The following STXBP5L variants were observed in gnomAD, a reference collection of about 807,000 sequenced individuals.
STXBP5L encodes the protein syntaxin binding protein 5L, also known as syntaxin-binding protein 5-like.
Under a neutral mutation model 144.5 loss-of-function variants are expected in STXBP5L, and 65 were observed. That is an observed-to-expected ratio of 0.45 (90% CI 0.37 to 0.55). The LOEUF is 0.55. STXBP5L is among the 20% of genes least tolerant of loss of function. The pLI, the probability that STXBP5L is intolerant of heterozygous loss-of-function variation, is 0.00. For missense variants in STXBP5L, 1,298 were observed against 1,405.5 expected, an observed-to-expected ratio of 0.92 and a Z score of 1.22; for synonymous variants, 505 against 469.6, an observed-to-expected ratio of 1.08 and a Z score of -0.97.
At chr3:121,117,216 T>G (rs1419815744) in intron 6 of STXBP5L, among the ~76,000 whole-genome samples, 2 of 130,184 alleles carry the variant, frequency 1.5e-5, no homozygotes, top group Non-Finnish European at 3.5e-5. Flanking sequence ...GCATTTTTAT[T>G]TTTCATAATA....
At chr3:121,025,897 AT>A (rs1207482651) in intron 3 of STXBP5L, among the ~76,000 whole-genome samples, 15 of 146,384 alleles carry the variant, frequency 1.0e-4, no homozygotes, top group African/African-American at 3.4e-4. Flanking sequence ...TTTATAATAT[AT>A]AAATTATATA....
chr3:121,218,961 T>TA (rs1234802824), intron 10 of STXBP5L, among the ~76,000 whole-genome samples: 1 of 152,160 alleles, frequency 6.6e-6, no homozygotes, highest in Non-Finnish European at 1.5e-5. Flanking sequence ...TCTTAGTAGT[T>TA]ACTATTATTA....
At chr3:121,254,749 G>C in intron 15 of STXBP5L, 146 bp from the exon 16 acceptor site, 1 of 654,836 alleles carries the variant, frequency 1.5e-6, no homozygotes, top group Non-Finnish European at 2.6e-6. Flanking sequence ...TGAAAGCGTG[G>C]CATTGAATGC....
intron 11 of STXBP5L, among the ~76,000 whole-genome samples, chr3:121,233,411 T>A (rs2049369663): frequency 6.6e-6 from 1 of 152,210 alleles, no homozygotes; most frequent in Non-Finnish European, 1.5e-5. Context: ...TTTAATTTTT[T>A]TCTTGTTCTT....
intron 2 of STXBP5L, among the ~76,000 whole-genome samples, chr3:120,954,340 A>G: frequency 6.6e-6 from 1 of 152,116 alleles, no homozygotes; most frequent in East Asian, 1.9e-4. Context: ...AGAATATTAC[A>G]TCTTTACTCA....
chr3:120,984,632 C>CTTTTTTTTTTTTTTTTTTTTTTTCTT (rs35656223), intron 3 of STXBP5L, among the ~76,000 whole-genome samples: 2 of 71,962 alleles, frequency 2.8e-5, no homozygotes, highest in Non-Finnish European at 4.9e-5. Flanking sequence ...TCTTTCTTTC[C>CTTTTTTTTTTTTTTTTTTTTTTTCTT]TTTTTTTTTT....
intron 3 of STXBP5L, among the ~76,000 whole-genome samples, chr3:120,976,819 G>C (rs2107834480): frequency 6.6e-6 from 1 of 152,232 alleles, no homozygotes; most frequent in Non-Finnish European, 1.5e-5. Flanking sequence ...AGTCATTCAG[G>C]AGCAGGTTGT....
intron 3 of STXBP5L, among the ~76,000 whole-genome samples, chr3:121,014,846 A>G (rs966834702): frequency 6.6e-6 from 1 of 152,108 alleles, no homozygotes; most frequent in African/African-American, 2.4e-5. Context: ...TACAGAAACA[A>G]ATATTTAATA....
At chr3:121,365,365 C>T (rs186086615) in intron 20 of STXBP5L, among the ~76,000 whole-genome samples, 193 of 151,750 alleles carry the variant, frequency 1.3e-3, no homozygotes, top group African/African-American at 4.6e-3. Flanking sequence ...TGGCAGAATA[C>T]ACGAGTGAAG....
chr3:121,111,611 C>T (rs1468870985), intron 5 of STXBP5L, among the ~76,000 whole-genome samples: 1 of 152,178 alleles, frequency 6.6e-6, no homozygotes, highest in Non-Finnish European at 1.5e-5. Context: ...CTGGGAGCTC[C>T]ATCCCAGAGG....
chr3:121,299,214 T>A (rs552485508), intron 19 of STXBP5L, among the ~76,000 whole-genome samples: 1 of 152,330 alleles, frequency 6.6e-6, no homozygotes, highest in Admixed American at 6.5e-5. Flanking sequence ...AGTATTACTA[T>A]CTTTTCCCAC....
intron 7 of STXBP5L, among the ~76,000 whole-genome samples, chr3:121,151,418 C>G (rs923730210): frequency 4.6e-5 from 7 of 151,914 alleles, no homozygotes; most frequent in Admixed American, 6.6e-5. Context: ...ATATTTGAAA[C>G]CTTTTGTGTT....
intron 5 of STXBP5L, among the ~76,000 whole-genome samples, chr3:121,089,092 TAAAAAAAAAAAAA>T (rs375977537): frequency 3.6e-5 from 2 of 56,158 alleles, no homozygotes; most frequent in South Asian, 1.1e-3. Flanking sequence ...TAGAGTATAA[TAAAAAAAAAAAAA>T]AAAAAAAAAA....
intron 20 of STXBP5L, among the ~76,000 whole-genome samples, chr3:121,347,228 G>C (rs1484099740): frequency 6.6e-6 from 1 of 152,108 alleles, no homozygotes; most frequent in Non-Finnish European, 1.5e-5. Context: ...CCCATTTCTT[G>C]TTTTTGTCAG....
intron 20 of STXBP5L, among the ~76,000 whole-genome samples, chr3:121,341,558 T>C (rs1341382432): frequency 6.6e-6 from 1 of 150,640 alleles, no homozygotes; most frequent in Admixed American, 6.6e-5. Context: ...GGAAGAGATA[T>C]CTGCACTCCC....
intron 7 of STXBP5L, among the ~76,000 whole-genome samples, chr3:121,141,167 G>A (rs908223293): frequency 3.9e-5 from 6 of 152,288 alleles, no homozygotes; most frequent in African/African-American, 1.4e-4. Flanking sequence ...CACTTGTGAG[G>A]CCAAGCCAGG....
intron 20 of STXBP5L, among the ~76,000 whole-genome samples, chr3:121,335,972 G>A (rs1279958526): frequency 6.6e-6 from 1 of 152,088 alleles, no homozygotes; most frequent in African/African-American, 2.4e-5. Context: ...AATTAACAGT[G>A]TAAACAGACA....
At chr3:121,392,420 A>C (rs1469881095) in intron 22 of STXBP5L, among the ~76,000 whole-genome samples, 2 of 151,900 alleles carry the variant, frequency 1.3e-5, no homozygotes, top group Non-Finnish European at 2.9e-5. Flanking sequence ...CCACTATCCA[A>C]CCAGTCCCAA....
At chr3:121,327,730 G>T (rs1182438474) in intron 20 of STXBP5L, among the ~76,000 whole-genome samples, 3 of 151,956 alleles carry the variant, frequency 2.0e-5, no homozygotes, top group Non-Finnish European at 4.4e-5. Context: ...TCTTTCTTTT[G>T]TTTTTGATTT....
Sources: gnomAD v4.1 joint callset for allele counts (sites outside exome capture counted in the v4.1 genomes callset) on GRCh38, gnomAD v4.1.1 for gene constraint, MANE v1.5 for transcripts, NCBI Gene and HGNC (gene_info 2026-07-23, HGNC 2026-07-21) for gene names.